Variants in BCAP31 observed in about 807,000 individuals in gnomAD.
BCAP31 encodes B cell receptor associated protein 31.
For missense variants in BCAP31, 124 were observed against 193.0 expected (o/e 0.64, Z 2.12); for synonymous variants, 75 against 80.9 (o/e 0.93, Z 0.39).
chrX:153,705,032 C>T (rs1272444130), intron 4 of BCAP31: 6 of 111,599 alleles, frequency 5.4e-5, no homozygotes, highest in Non-Finnish European at 9.5e-5. Flanking sequence ...GGGAAGGACT[C>T]GTTCAAACAG....
intron 7 of BCAP31, 61 bp downstream of exon 7, chrX:153,701,937 CGCACCCGCA>C: frequency 9.5e-7 from 1 of 1,050,341 alleles, no homozygotes; most frequent in Non-Finnish European, 1.3e-6. Context: ...AGGTTCCCTC[CGCACCCGCA>C]GGGGCTGCCT....
chrX:153,719,102 A>G (rs2091648361), intron 3 of BCAP31, among the ~76,000 whole-genome samples: 1 of 111,823 alleles, frequency 8.9e-6, no homozygotes, highest in Non-Finnish European at 1.9e-5. Flanking sequence ...GATCCCAAAA[A>G]AGAATGAAGG....
At chrX:153,722,503 A>G (rs2091674027) in intron 2 of BCAP31, among the ~76,000 whole-genome samples, 1 of 112,175 alleles carries the variant, frequency 8.9e-6, no homozygotes, top group African/African-American at 3.2e-5. Flanking sequence ...CTCCTCAGAC[A>G]GCACTGCATA....
At chrX:153,724,129 C>G (rs1031637185) in intron 1 of BCAP31, 10 of 261,768 alleles carry the variant, frequency 3.8e-5, no homozygotes, top group Non-Finnish European at 7.1e-5. Flanking sequence ...TGGGGCTTCA[C>G]CGCCCCCCGC....
intron 3 of BCAP31, 114 bp from the exon 4 acceptor site, chrX:153,715,803 C>T: frequency 1.1e-6 from 1 of 920,064 alleles, no homozygotes; most frequent in Admixed American, 2.3e-5. Flanking sequence ...CTCAAATCCG[C>T]CTCCCCAGTT....
intron 1 of BCAP31, 130 bp from the exon 2 acceptor site, chrX:153,723,418 T>A (rs951272350): frequency 1.8e-6 from 2 of 1,129,070 alleles, no homozygotes; most frequent in African/African-American, 1.8e-5. Context: ...AAGTCTCTGA[T>A]GCGCTGGCGG....
chrX:153,719,215 G>A (rs1483597930), intron 3 of BCAP31, among the ~76,000 whole-genome samples: 2 of 111,614 alleles, frequency 1.8e-5, no homozygotes, highest in African/African-American at 6.5e-5. Context: ...AAGACCCTGA[G>A]GGAATCATCC....
chrX:153,702,218 G>T, intron 6 of BCAP31, 111 bp from the exon 7 acceptor site: 1 of 609,998 alleles, frequency 1.6e-6, no homozygotes, highest in Non-Finnish European at 2.5e-6. Context: ...TCTCAAACGA[G>T]GTTATACAGG....
intron 2 of BCAP31, among the ~76,000 whole-genome samples, chrX:153,722,432 G>A (rs567425489): frequency 5.4e-5 from 6 of 111,452 alleles, no homozygotes; most frequent in South Asian, 3.8e-4. Flanking sequence ...AAAGCTCCCC[G>A]GGGCCCTCTA....
intron 6 of BCAP31, chrX:153,702,375 G>A (rs781980988): frequency 2.8e-5 from 8 of 287,168 alleles, no homozygotes; most frequent in East Asian, 1.4e-4. Flanking sequence ...AGTGGCTCTC[G>A]GCAAGGGTAA....
intron 3 of BCAP31, among the ~76,000 whole-genome samples, chrX:153,719,671 C>A (rs2091651784): frequency 9.0e-6 from 1 of 111,595 alleles, no homozygotes; most frequent in Non-Finnish European, 1.9e-5. Flanking sequence ...CCTAGGCAGG[C>A]ACCACAGCTC....
chrX:153,717,425 T>C (rs1384359997), intron 3 of BCAP31, among the ~76,000 whole-genome samples: 1 of 112,100 alleles, frequency 8.9e-6, no homozygotes, highest in Non-Finnish European at 1.9e-5. Flanking sequence ...GGTATCACTG[T>C]ATGGGTATCG....
intron 1 of BCAP31, chrX:153,723,549 T>C: frequency 1.7e-6 from 2 of 1,167,638 alleles, no homozygotes; most frequent in African/African-American, 3.5e-5. Flanking sequence ...CAGAGCGGCC[T>C]CTCCCGACGA....
chrX:153,723,744 G>A (rs868965863), intron 1 of BCAP31: 1 of 1,068,741 alleles, frequency 9.4e-7, no homozygotes, highest in African/African-American at 1.9e-5. Context: ...CTACCAGGCA[G>A]GCCCAAGGCC....
At position 153,710,499 on chromosome X, in the gene BCAP31, A is replaced by G. The variant is rs2091584001; in HGVS notation, c.341+5043T>C. Among the ~76,000 whole-genome samples, 4 of 111,936 alleles carry G rather than the reference A, an allele frequency of 3.6e-5. No homozygotes were observed. In the South Asian group the frequency reaches 1.5e-3, roughly 43 times the overall value. On this transcript the variant is annotated intron_variant, in intron 4 of 7. Coordinates refer to ENST00000345046, the MANE Select transcript of BCAP31 (RefSeq NM_001256447.2). ...GATGGTTGGGCAGTCACATGGGACA[A>G]GAAGAAAGGGCAGAGCAGCCCCAGG...
chrX:153,708,113 G>T (rs2091566364), intron 4 of BCAP31, among the ~76,000 whole-genome samples: 1 of 113,025 alleles, frequency 8.8e-6, no homozygotes, highest in South Asian at 3.6e-4. Flanking sequence ...GAATCCAGAT[G>T]TGGCCTTGGA....
At chrX:153,723,794 C>T in intron 1 of BCAP31, 1 of 848,797 alleles carries the variant, frequency 1.2e-6, no homozygotes, top group Non-Finnish European at 1.6e-6. Flanking sequence ...CGCCTCCCAC[C>T]GTCCCCACGG....
At chrX:153,721,368 G>A (rs369665302) in intron 2 of BCAP31, among the ~76,000 whole-genome samples, 11 of 105,703 alleles carry the variant, frequency 1.0e-4, no homozygotes, top group African/African-American at 2.8e-4. Flanking sequence ...CCTGGGAGGC[G>A]GAAGTTGCAG....
intron 1 of BCAP31, chrX:153,723,618 G>A (rs2091684500): frequency 2.6e-6 from 3 of 1,167,849 alleles, no homozygotes; most frequent in African/African-American, 3.5e-5. Context: ...GCGTTCTTCG[G>A]GAAGAGCAGT....
Sources: gnomAD v4.1 joint callset for allele counts (sites outside exome capture counted in the v4.1 genomes callset) on GRCh38, gnomAD v4.1.1 for gene constraint, MANE v1.5 for transcripts, NCBI Gene and HGNC (gene_info 2026-07-23, HGNC 2026-07-21) for gene names.